The following PTPRG variants were observed in gnomAD, a reference collection of about 807,000 sequenced individuals.
The protein encoded by PTPRG is protein tyrosine phosphatase receptor type G.
In PTPRG, 102 loss-of-function variants were observed where a neutral mutation model predicts 165.3. That is an observed-to-expected ratio of 0.62 (90% CI 0.53 to 0.73). PTPRG has a LOEUF of 0.73. PTPRG is among the 30% of genes least tolerant of loss of function. The pLI is 0.00. For missense variants in PTPRG, 1,866 were observed against 1,861.4 expected, an observed-to-expected ratio of 1.00 and a Z score of -0.05; for synonymous variants, 675 against 669.5, an observed-to-expected ratio of 1.01 and a Z score of -0.13.
chr3:61,902,306 T>G (rs147611803), intron 2 of PTPRG, among the ~76,000 whole-genome samples: 1 of 152,308 alleles, frequency 6.6e-6, no homozygotes, highest in East Asian at 1.9e-4. Flanking sequence ...GAGAGCTACT[T>G]TCCATTGTAT....
intron 3 of PTPRG, among the ~76,000 whole-genome samples, chr3:61,996,438 T>C (rs1397849648): frequency 6.6e-6 from 1 of 152,200 alleles, no homozygotes; most frequent in Non-Finnish European, 1.5e-5. Context: ...GCTTTTTTAC[T>C]CTGAGTTTTG....
chr3:61,634,365 A>T lies in PTPRG; in HGVS notation c.85+71993A>T, dbSNP rs192407813. On this transcript the variant is annotated intron_variant, in intron 1 of 29. Coordinates refer to ENST00000474889, the MANE Select transcript of PTPRG (RefSeq NM_002841.4). ...CGATTCTTCTTGCCTCAGCCTCCCA[A>T]GTAGCTGGGATACAGGTGCCTACCA... Among the ~76,000 whole-genome samples, 36 of 151,820 alleles carry T rather than the reference A, an allele frequency of 2.4e-4. No individual in the cohort carries two copies. The East Asian group carries it at 7.0e-3, about 30-fold the overall frequency.
chr3:61,588,826 A>G (rs1467087735), intron 1 of PTPRG, among the ~76,000 whole-genome samples: 1 of 152,228 alleles, frequency 6.6e-6, no homozygotes, highest in Admixed American at 6.5e-5. Flanking sequence ...GCATCCGTGT[A>G]TATGTATGCA....
intron 2 of PTPRG, among the ~76,000 whole-genome samples, chr3:61,819,228 T>TA (rs1242063687): frequency 6.6e-6 from 1 of 152,206 alleles, no homozygotes; most frequent in Non-Finnish European, 1.5e-5. Flanking sequence ...GAAGATCATA[T>TA]GATTGTGAGT....
chr3:61,764,172 C>G (rs938392230), intron 2 of PTPRG, among the ~76,000 whole-genome samples: 7 of 152,116 alleles, frequency 4.6e-5, no homozygotes, highest in African/African-American at 1.2e-4. Flanking sequence ...TTCTAAAATT[C>G]AGGTAGACCT....
chr3:61,725,174 A>G (rs2032205838), intron 1 of PTPRG, among the ~76,000 whole-genome samples: 1 of 152,080 alleles, frequency 6.6e-6, no homozygotes, highest in Non-Finnish European at 1.5e-5. Context: ...ACGTTGAGAT[A>G]CGCTTTTTTT....
chr3:61,942,893 TA>T (rs1213596527), intron 2 of PTPRG, among the ~76,000 whole-genome samples: 6 of 152,250 alleles, frequency 3.9e-5, no homozygotes, highest in Non-Finnish European at 7.3e-5. Context: ...CTCCTTTAAA[TA>T]GACATCTCAG....
intron 14 of PTPRG, among the ~76,000 whole-genome samples, chr3:62,231,593 T>C (rs1255147395): frequency 6.6e-6 from 1 of 152,112 alleles, no homozygotes; most frequent in Non-Finnish European, 1.5e-5. Flanking sequence ...GGGTGCTCTA[T>C]GTTTGTGTGT....
intron 4 of PTPRG, among the ~76,000 whole-genome samples, chr3:62,030,109 A>G (rs1003380425): frequency 6.6e-6 from 1 of 152,192 alleles, no homozygotes; most frequent in African/African-American, 2.4e-5. Context: ...TAGTGAAATC[A>G]TGTATATCCA....
intron 4 of PTPRG, among the ~76,000 whole-genome samples, chr3:62,053,956 C>T (rs1700548819): frequency 1.3e-5 from 2 of 152,296 alleles, no homozygotes; most frequent in South Asian, 2.1e-4. Context: ...AAGGGTACTA[C>T]ATGAGGGACT....
In PTPRG at chr3:62,289,959, A is replaced by C. The variant is rs1388416434; in HGVS notation, c.4056-2462A>C. ...GAAAGTTCGCATTATTGGCAGATAA[A>C]GATGTGGTCAACTACCTAGAGAAGC... On this transcript the variant is annotated intron_variant, in intron 28 of 29. Transcript: ENST00000474889. Among the ~76,000 whole-genome samples, 5 of 152,122 alleles carry C rather than the reference A, an allele frequency of 3.3e-5. 1 individual carries two copies. Among genetic ancestry groups the C allele is most frequent in the African/African-American group, 1.2e-4 (5 of 41,448 alleles).
At chr3:61,749,432 T>A (rs2033344553) in intron 2 of PTPRG, 1 of 282,530 alleles carries the variant, frequency 3.5e-6, no homozygotes, top group African/African-American at 2.3e-5. Flanking sequence ...TTAAATCACA[T>A]CTTGTTCTTT....
At position 62,217,262 on chromosome 3, in the gene PTPRG, G is replaced by A. The variant is rs539565497; in HGVS notation, c.2156-1589G>A. The stretch of plus-strand genomic sequence containing the variant: ...TGCTCTGTGGAGGTTTTTAATCAGA[G>A]TGTGCTGCACCTACTTGACTCTGTC... On this transcript the variant is annotated intron_variant, in intron 12 of 29. Transcript: ENST00000474889. The surrounding 1 kb of genome is among the most constrained non-coding windows in gnomAD (Gnocchi z 4.3). Among the ~76,000 whole-genome samples, 17 of 152,336 alleles carry A rather than the reference G, an allele frequency of 1.1e-4. No individual in the cohort carries two copies. The Middle Eastern group carries it at 0.01, about 91-fold the overall frequency.
intron 4 of PTPRG, among the ~76,000 whole-genome samples, chr3:62,073,663 T>C (rs898201072): frequency 5.9e-5 from 9 of 152,150 alleles, no homozygotes; most frequent in African/African-American, 1.9e-4. Context: ...TGTATTTTTG[T>C]AGAGACAGGG....
intron 2 of PTPRG, among the ~76,000 whole-genome samples, chr3:61,928,111 G>A (rs1424005329): frequency 6.6e-6 from 1 of 152,188 alleles, no homozygotes; most frequent in Non-Finnish European, 1.5e-5. Context: ...AGGGGTATGA[G>A]GCCGGAGGTT....
chr3:61,679,842 G>A (rs1339741055), intron 1 of PTPRG, among the ~76,000 whole-genome samples: 5 of 152,074 alleles, frequency 3.3e-5, no homozygotes, highest in African/African-American at 9.7e-5. Context: ...ACCTCAGCCG[G>A]CCTGAGGTTC....
intron 6 of PTPRG, among the ~76,000 whole-genome samples, chr3:62,150,518 G>T (rs771655217): frequency 1.3e-5 from 2 of 152,144 alleles, no homozygotes; most frequent in Non-Finnish European, 2.9e-5. Context: ...AGTTTAAGTG[G>T]CGCTGTCATA....
chr3:61,612,028 C>T (rs1045688242), intron 1 of PTPRG, among the ~76,000 whole-genome samples: 8 of 152,082 alleles, frequency 5.3e-5, no homozygotes, highest in African/African-American at 1.7e-4. Context: ...CTGCAACCTC[C>T]GCCTCCCGGG....
Position 62,222,792 on chromosome 3 carries a change from A to G in PTPRG, c.2288+3809A>G, listed in dbSNP as rs999291202. ...TTCCTATTATTTATGCAATGCTTACAGAGTTCCTGCCATGCATCCTGGTGG... is the reference window on the plus strand; with the variant it reads ...TTCCTATTATTTATGCAATGCTTACGGAGTTCCTGCCATGCATCCTGGTGG... On this transcript the variant is annotated intron_variant, in intron 13 of 29. Transcript: ENST00000474889. The surrounding 1 kb of genome is among the most constrained non-coding windows in gnomAD (Gnocchi z 4.5). Among the ~76,000 whole-genome samples, 5 of 152,224 alleles carry G rather than the reference A, an allele frequency of 3.3e-5. No homozygotes were observed. The highest frequency in any genetic ancestry group is 1.9e-4 in the East Asian group (1 of 5,184).
Sources: allele counts gnomAD v4.1 joint callset (sites outside exome capture counted in the v4.1 genomes callset), GRCh38; gene constraint gnomAD v4.1.1; non-coding constraint Gnocchi (gnomAD v3.1); transcripts MANE v1.5; gene names NCBI Gene and HGNC (gene_info 2026-07-23, HGNC 2026-07-21).